The following STPG2 variants were observed in gnomAD, a reference collection of about 807,000 sequenced individuals.
STPG2 encodes sperm-tail PG-rich repeat-containing protein 2.
In STPG2, 56 loss-of-function variants were observed where a neutral mutation model predicts 54.2. The observed-to-expected ratio is 1.03, with a 90% CI of 0.83 to 1.29. The LOEUF is 1.29. STPG2 is among the 50% of genes most tolerant of loss of function. The probability of loss-of-function intolerance (pLI) is 0.00; values close to 1 mark genes in which losing one functional copy is unlikely to be tolerated. For synonymous variants in STPG2, 200 were observed against 181.8 expected (o/e 1.10, Z -0.81); for missense variants, 596 against 544.9 (o/e 1.09, Z -0.93).
At chr4:97,909,525 A>G (rs1731595455) in intron 8 of STPG2, among the ~76,000 whole-genome samples, 1 of 152,168 alleles carries the variant, frequency 6.6e-6, no homozygotes. Context: ...TTACAGACCA[A>G]TGCATCCCAC....
At chr4:98,082,600 C>T (rs1232976356) in intron 5 of STPG2, among the ~76,000 whole-genome samples, 1 of 150,106 alleles carries the variant, frequency 6.7e-6, no homozygotes, top group African/African-American at 2.5e-5. Context: ...TACAGGCGCC[C>T]GCCACTACAC....
chr4:97,862,748 C>T (rs1261571212), intron 8 of STPG2, among the ~76,000 whole-genome samples: 1 of 152,174 alleles, frequency 6.6e-6, no homozygotes, highest in Non-Finnish European at 1.5e-5. Context: ...CAAACTGTCT[C>T]TCCGACCACA....
intron 9 of STPG2, among the ~76,000 whole-genome samples, chr4:97,714,370 A>G (rs142409445): frequency 2.0e-5 from 3 of 152,290 alleles, no homozygotes; most frequent in Non-Finnish European, 4.4e-5. Flanking sequence ...CTCAATTAAG[A>G]CATAGTATCT....
At position 97,617,780 on chromosome 4, in the gene STPG2, C is replaced by T. The variant is rs114756552; in HGVS notation, c.1321-58663G>A. The stretch of plus-strand genomic sequence containing the variant: ...AGAAATGTGAGTTAGATACCAGCAC[C>T]GGATATAGTCCAGATAGTGTTAAGA... On this transcript the variant is annotated intron_variant, in intron 10 of 10. Coordinates refer to ENST00000295268, the MANE Select transcript of STPG2 (RefSeq NM_174952.3). 2.8e-3 allele frequency among the ~76,000 whole-genome samples: 421 copies of T among 152,142 alleles called. 2 individuals are homozygous for T. Among genetic ancestry groups the T allele is most frequent in the African/African-American group, 9.4e-3 (392 of 41,514 alleles).
At chr4:97,675,244 C>T (rs991379784) in intron 10 of STPG2, among the ~76,000 whole-genome samples, 1 of 152,084 alleles carries the variant, frequency 6.6e-6, no homozygotes, top group Non-Finnish European at 1.5e-5. Flanking sequence ...CTCAGGTGAT[C>T]CACCCGCCTC....
Position 98,118,732 on chromosome 4 carries a change from A to G in STPG2, c.388-9427T>C, listed in dbSNP as rs2110153264. 2.6e-5 allele frequency among the ~76,000 whole-genome samples: 4 copies of G among 152,318 alleles called. No homozygotes were observed. The Middle Eastern group carries it at 0.014, about 518-fold the overall frequency. On this transcript the variant is annotated intron_variant, in intron 3 of 10. Coordinates refer to ENST00000295268, the MANE Select transcript of STPG2 (RefSeq NM_174952.3). ...ATTGCAAGGCTCAGGCAAGCAAATGAATAAAATGAACCTGGAATATCTTTT... is the reference window on the plus strand; with the variant it reads ...ATTGCAAGGCTCAGGCAAGCAAATGGATAAAATGAACCTGGAATATCTTTT...
At position 97,504,160 on chromosome 4, in the gene STPG2, ATATT is replaced by A. The variant is rs960346296; in HGVS notation, c.462+208535_462+208538del. 2.3e-4 allele frequency among the ~76,000 whole-genome samples: 33 copies of A among 145,802 alleles called. 1 individual carries two copies. In the East Asian group the frequency reaches 5.3e-3, roughly 24 times the overall value. On this transcript the variant is annotated intron_variant, in intron 4 of 4. Transcript: ENST00000522676. ...TATTTAATATTTAATAAATAAATAAATATTTATTTAAATATTTTATTTTATTTTT... is the reference window on the plus strand; with the variant it reads ...TATTTAATATTTAATAAATAAATAAATATTTAAATATTTTATTTTATTTTT...
chr4:97,608,412 G>A (rs1030692293), intron 10 of STPG2, among the ~76,000 whole-genome samples: 11 of 152,166 alleles, frequency 7.2e-5, no homozygotes, highest in South Asian at 2.1e-4. Flanking sequence ...AGCTGAGCCC[G>A]TGTGAAGAGA....
intron 9 of STPG2, among the ~76,000 whole-genome samples, chr4:97,812,073 T>C (rs868026012): frequency 6.6e-6 from 1 of 152,028 alleles, no homozygotes; most frequent in Non-Finnish European, 1.5e-5. Context: ...ACTGAAGAAA[T>C]ACAATACCAA....
At chr4:97,933,187 T>C (rs752336333) in intron 8 of STPG2, among the ~76,000 whole-genome samples, 1 of 152,214 alleles carries the variant, frequency 6.6e-6, no homozygotes, top group Non-Finnish European at 1.5e-5. Context: ...TCTCGGTTCA[T>C]GTCCTTTGCC....
At chr4:97,873,270 A>C (rs1311719926) in intron 8 of STPG2, among the ~76,000 whole-genome samples, 1 of 150,768 alleles carries the variant, frequency 6.6e-6, no homozygotes, top group East Asian at 1.9e-4. Context: ...TTTCTCTAAT[A>C]ATAAGAAACA....
At chr4:97,797,551 G>C (rs1727237466) in intron 9 of STPG2, among the ~76,000 whole-genome samples, 1 of 152,208 alleles carries the variant, frequency 6.6e-6, no homozygotes, top group African/African-American at 2.4e-5. Context: ...CTTGATCACA[G>C]TGGATAAACT....
intron 5 of STPG2, among the ~76,000 whole-genome samples, chr4:98,000,153 A>C (rs1422635951): frequency 6.6e-6 from 1 of 152,130 alleles, no homozygotes; most frequent in Non-Finnish European, 1.5e-5. Flanking sequence ...TCTAGATTGA[A>C]TATTTTCATC....
At chr4:97,663,789 G>A (rs935088874) in intron 10 of STPG2, among the ~76,000 whole-genome samples, 5 of 152,006 alleles carry the variant, frequency 3.3e-5, no homozygotes, top group Non-Finnish European at 5.9e-5. Flanking sequence ...TATTTCAAAC[G>A]GCCAGCAAAG....
At chr4:97,901,696 C>A (rs1213935484) in intron 8 of STPG2, among the ~76,000 whole-genome samples, 4 of 150,558 alleles carry the variant, frequency 2.7e-5, no homozygotes, top group Admixed American at 1.3e-4. Flanking sequence ...GAAAAGATAC[C>A]CTATATTCAT....
intron 4 of STPG2, among the ~76,000 whole-genome samples, chr4:97,484,165 G>A (rs1190655938): frequency 6.6e-6 from 1 of 151,574 alleles, no homozygotes; most frequent in Admixed American, 6.6e-5. Context: ...CAAAGAACTA[G>A]AGAAACAAGA....
intron 10 of STPG2, among the ~76,000 whole-genome samples, chr4:97,658,585 A>G (rs1448844044): frequency 1.3e-5 from 2 of 152,168 alleles, no homozygotes; most frequent in Non-Finnish European, 2.9e-5. Flanking sequence ...AAAAGCTGGA[A>G]GTAGCAAAGG....
intron 10 of STPG2, among the ~76,000 whole-genome samples, chr4:97,616,186 A>G (rs1311828462): frequency 6.7e-6 from 1 of 148,984 alleles, no homozygotes; most frequent in East Asian, 2.0e-4. Context: ...TTGGAAAACC[A>G]TAGAGAAATA....
chr4:98,130,393 G>C (rs1162707165), intron 2 of STPG2, among the ~76,000 whole-genome samples: 1 of 152,052 alleles, frequency 6.6e-6, no homozygotes, highest in Non-Finnish European at 1.5e-5. Flanking sequence ...GGCCTGGCTA[G>C]TCTCAAACTC....
Sources: gnomAD v4.1 joint callset for allele counts (sites outside exome capture counted in the v4.1 genomes callset) on GRCh38, gnomAD v4.1.1 for gene constraint, MANE v1.5 for transcripts, NCBI Gene and HGNC (gene_info 2026-07-23, HGNC 2026-07-21) for gene names.